Variants in CA12 observed in about 807,000 individuals in gnomAD.
The protein encoded by CA12 is carbonate dehydratase XII.
A neutral mutation model predicts 46.8 loss-of-function variants in CA12; 36 were observed. The observed-to-expected ratio is 0.77, with a 90% confidence interval of 0.59 to 1.02. The LOEUF (loss-of-function observed/expected upper bound fraction) is 1.02, where lower values mean the gene tolerates loss of function less well. Among genes scored for constraint, CA12 ranks in the 50% least tolerant of loss-of-function variants. The pLI, the probability that CA12 is intolerant of heterozygous loss-of-function variation, is 0.00. For synonymous variants in CA12, 202 were observed against 187.0 expected (o/e 1.08, Z -0.65); for missense variants, 436 against 451.4 (o/e 0.97, Z 0.31).
chr15:63,360,132 C>G (rs774560510), intron 2 of CA12, among the ~76,000 whole-genome samples: 20 of 152,194 alleles, frequency 1.3e-4, no homozygotes, highest in Non-Finnish European at 2.1e-4. Flanking sequence ...ATGCCTGGGT[C>G]AGAGACAAGG....
intron 2 of CA12, among the ~76,000 whole-genome samples, chr15:63,351,258 C>T (rs1308704196): frequency 1.3e-5 from 2 of 152,232 alleles, no homozygotes; most frequent in African/African-American, 4.8e-5. Flanking sequence ...CATGGACTCC[C>T]ATGCTTCCAT....
chr15:63,374,552 CACATAATCAGT>C lies in CA12; in HGVS notation c.106+1095_106+1105del, dbSNP rs2039547415. Among the ~76,000 whole-genome samples, 1 of 152,218 alleles carries C rather than the reference CACATAATCAGT, an allele frequency of 6.6e-6. No individual in the cohort carries two copies. Among genetic ancestry groups the C allele is most frequent in the Admixed American group, 6.5e-5 (1 of 15,290 alleles). ...CCCACCCACTTAGCAATGTGCTGTG[CACATAATCAGT>C]ACATAAGGGATGTTAGCAATAACGG... is the stretch of plus-strand genomic sequence containing the variant. On this transcript the variant is annotated intron_variant, in intron 2 of 10. Coordinates refer to ENST00000178638, the MANE Select transcript of CA12 (RefSeq NM_001218.5). This position sits in a 1 kb window ranked among gnomAD's most constrained non-coding sequence, Gnocchi z 4.4.
intron 2 of CA12, among the ~76,000 whole-genome samples, chr15:63,369,357 A>G (rs1374211119): frequency 6.6e-6 from 1 of 152,186 alleles, no homozygotes; most frequent in Non-Finnish European, 1.5e-5. Context: ...AATCTGCACC[A>G]TAGCTCTGCG....
chr15:63,332,306 T>C (rs752931938), intron 8 of CA12, among the ~76,000 whole-genome samples: 26 of 152,346 alleles, frequency 1.7e-4, no homozygotes, highest in Non-Finnish European at 3.7e-4. Flanking sequence ...ATGAACGCTA[T>C]GCAACCCAAA....
At chr15:63,337,820 G>A (rs184508495) in intron 8 of CA12, among the ~76,000 whole-genome samples, 9 of 152,230 alleles carry the variant, frequency 5.9e-5, no homozygotes, top group Non-Finnish European at 8.8e-5. Flanking sequence ...CAGGTGATCC[G>A]CTTGCCTTGG....
chr15:63,364,237 G>C (rs1304743329), intron 2 of CA12, among the ~76,000 whole-genome samples: 3 of 141,496 alleles, frequency 2.1e-5, no homozygotes, highest in African/African-American at 7.9e-5. Context: ...CACAATCTTA[G>C]AGCACTTTGG....
intron 2 of CA12, among the ~76,000 whole-genome samples, chr15:63,352,203 G>A (rs1053560252): frequency 2.0e-5 from 3 of 152,108 alleles, no homozygotes; most frequent in Non-Finnish European, 2.9e-5. Context: ...TTACAGGTGC[G>A]TGCCTCCACG....
In CA12 at chr15:63,329,461, T is replaced by C. The variant is rs945906507; in HGVS notation, c.875-1331A>G. ...CCCTGAAAACCCTCAGCCTGTTTTTTCCAAGGTTCCCACAGCCATTCCCCA... is the reference window on the plus strand; with the variant it reads ...CCCTGAAAACCCTCAGCCTGTTTTTCCCAAGGTTCCCACAGCCATTCCCCA... On this transcript the variant is annotated intron_variant, in intron 8 of 10. Transcript: ENST00000178638. This position sits in a 1 kb window ranked among gnomAD's most constrained non-coding sequence, Gnocchi z 4.8. Among the ~76,000 whole-genome samples the C allele has an allele frequency of 2.0e-5, 3 of 152,226 alleles. No homozygotes were observed. Among genetic ancestry groups the C allele is most frequent in the African/African-American group, 7.2e-5 (3 of 41,458 alleles).
At chr15:63,352,326 G>A (rs1055657460) in intron 2 of CA12, among the ~76,000 whole-genome samples, 2 of 152,188 alleles carry the variant, frequency 1.3e-5, no homozygotes, top group African/African-American at 4.8e-5. Flanking sequence ...CAAAGTGCTG[G>A]GAATACAGGC....
At chr15:63,342,576 G>A (rs1488670280) in intron 4 of CA12, among the ~76,000 whole-genome samples, 3 of 152,220 alleles carry the variant, frequency 2.0e-5, no homozygotes, top group African/African-American at 2.4e-5. Context: ...CCTAAGGTCT[G>A]TGTTGATGTT....
chr15:63,381,797 G>T lies in CA12; in HGVS notation c.-77C>A. On this transcript the variant is annotated 5_prime_UTR_variant, in exon 1 of 11. Coordinates refer to ENST00000178638, the MANE Select transcript of CA12 (RefSeq NM_001218.5). The stretch of plus-strand genomic sequence containing the variant: ...GCCGCTCGCTCTCCAGCTGCACACC[G>T]GGACCGCGTGCGCGCAGCCTGGGTG... 2.0e-6 allele frequency: 2 copies of T among 975,900 alleles called. No homozygotes were observed. Among genetic ancestry groups the T allele is most frequent in the Non-Finnish European group, 1.4e-6 (1 of 704,952 alleles). The allele number at this position is 975,900 out of a possible 1,614,324, so 60.5% of individuals were successfully genotyped here. A position where few individuals can be genotyped will look rare whatever the true frequency, so the allele number is the denominator to read the frequency against.
chr15:63,354,867 C>G (rs1186167872), intron 2 of CA12, among the ~76,000 whole-genome samples: 1 of 152,140 alleles, frequency 6.6e-6, no homozygotes, highest in African/African-American at 2.4e-5. Flanking sequence ...TTCTCCTCCA[C>G]CCCGCCAATA....
chr15:63,340,564 C>A lies in CA12; in HGVS notation c.590-119G>T. 1 of 1,456,904 alleles carries A rather than the reference C, an allele frequency of 6.9e-7. No individual in the cohort carries two copies. Among genetic ancestry groups the A allele is most frequent in the East Asian group, 2.3e-5 (1 of 43,992 alleles). 90.2% of individuals were successfully genotyped at this position (1,456,904 alleles called of 1,614,324 possible). On this transcript the variant is annotated intron_variant, in intron 6 of 10. Transcript: ENST00000178638. This position sits in a 1 kb window ranked among gnomAD's most constrained non-coding sequence, Gnocchi z 4.4. Reference sequence around the variant, plus strand: ...TAGCCCCTTTCAGGGTCATCTAACCCCAGGACCTGGTTGCAACATTGTTCA... The same window carrying A: ...TAGCCCCTTTCAGGGTCATCTAACCACAGGACCTGGTTGCAACATTGTTCA...
At chr15:63,379,998 C>T (rs1419129095) in intron 1 of CA12, among the ~76,000 whole-genome samples, 1 of 152,254 alleles carries the variant, frequency 6.6e-6, no homozygotes, top group Non-Finnish European at 1.5e-5. Context: ...GCAGATCACA[C>T]TTTGACCCCA....
At chr15:63,336,724 G>GGCCA (rs2039009739) in intron 8 of CA12, among the ~76,000 whole-genome samples, 1 of 150,836 alleles carries the variant, frequency 6.6e-6, no homozygotes, top group Non-Finnish European at 1.5e-5. Context: ...ACCAAGGCCT[G>GGCCA]AAGAAGGGAC....
At chr15:63,334,721 G>C (rs2038977751) in intron 8 of CA12, among the ~76,000 whole-genome samples, 2 of 152,158 alleles carry the variant, frequency 1.3e-5, no homozygotes, top group African/African-American at 2.4e-5. Context: ...TCCTGAAGAA[G>C]TTGCTACTTC....
Position 63,338,956 on chromosome 15 carries a change from G to A in CA12, c.748-11C>T. On this transcript the variant is annotated splice_polypyrimidine_tract_variant and intron_variant, in intron 7 of 10. Coordinates refer to ENST00000178638, the MANE Select transcript of CA12 (RefSeq NM_001218.5). ...CTCCAAAGCCAGCAGCTGAGGGCAA[G>A]AGCAGAAATAGCCCGCAGGCAGAAT... is the stretch of plus-strand genomic sequence containing the variant. The A allele has an allele frequency of 6.2e-7, 1 of 1,614,148 alleles. No individual in the cohort carries two copies. The highest frequency in any genetic ancestry group is 8.5e-7 in the Non-Finnish European group (1 of 1,180,016).
chr15:63,350,451 C>T (rs2039214456), intron 2 of CA12, among the ~76,000 whole-genome samples: 1 of 152,238 alleles, frequency 6.6e-6, no homozygotes. Context: ...AAAACTTTGC[C>T]TTTGCTCTTC....
In CA12 at chr15:63,372,925, A is replaced by G. The variant is rs1187869122; in HGVS notation, c.106+2733T>C. ...ACTCTGCCCTCTGCTTCCTCAGCAA[A>G]GAGCTGCTCTAATTATGCAGGGTAG... On this transcript the variant is annotated intron_variant, in intron 2 of 10. Transcript: ENST00000178638. The surrounding 1 kb of genome is among the most constrained non-coding windows in gnomAD (Gnocchi z 4.5). 6.6e-6 allele frequency among the ~76,000 whole-genome samples: 1 copy of G among 152,202 alleles called. No homozygotes were observed.
Sources: allele counts gnomAD v4.1 joint callset (sites outside exome capture counted in the v4.1 genomes callset), GRCh38; gene constraint gnomAD v4.1.1; non-coding constraint Gnocchi (gnomAD v3.1); transcripts MANE v1.5; gene names NCBI Gene and HGNC (gene_info 2026-07-23, HGNC 2026-07-21).